Variants in ALDH16A1 observed in about 807,000 individuals in gnomAD.
ALDH16A1 encodes aldehyde dehydrogenase family 16 member A1.
ALDH16A1 carries 88 observed loss-of-function variants against 96.1 expected under a neutral mutation model. The observed-to-expected ratio is 0.92, with a 90% CI of 0.77 to 1.09. The LOEUF is 1.09. Ranked by LOEUF, ALDH16A1 falls within the 50% of genes least tolerant of loss-of-function variation. ALDH16A1 has a pLI of 0.00. For missense variants in ALDH16A1, 1,250 were observed against 1,112.6 expected (o/e 1.12, Z -1.76); for synonymous variants, 522 against 496.4 (o/e 1.05, Z -0.69).
Position 49,470,785 on chromosome 19 carries a change from G to A in ALDH16A1, c.*318G>A. 1 of 230,130 alleles carries A rather than the reference G, an allele frequency of 4.3e-6. No individual in the cohort carries two copies. Among genetic ancestry groups the A allele is most frequent in the South Asian group, 1.2e-4 (1 of 8,512 alleles). The allele number at this position is 230,130 out of a possible 1,614,324, so 14.3% of individuals were successfully genotyped here. ...TGCCTCAGCCTCATATGTAGCTGGG[G>A]CCACAGACATGCACCACCACACCTG... On this transcript the variant is annotated 3_prime_UTR_variant, in exon 17 of 17. Transcript: ENST00000293350.
At chr19:49,467,369 C>G (rs2079207230) in intron 14 of ALDH16A1, among the ~76,000 whole-genome samples, 1 of 150,056 alleles carries the variant, frequency 6.7e-6, no homozygotes, top group Non-Finnish European at 1.5e-5. Flanking sequence ...TGAACTATAT[C>G]ATGGGCCAAA....
chr19:49,464,894 G>T, intron 12 of ALDH16A1, 132 bp downstream of exon 12: 1 of 1,410,472 alleles, frequency 7.1e-7, no homozygotes, highest in South Asian at 1.3e-5. Flanking sequence ...GTACCACGTT[G>T]TGGCCTCACA....
intron 14 of ALDH16A1, among the ~76,000 whole-genome samples, chr19:49,467,410 T>C (rs2079207703): frequency 6.6e-6 from 1 of 150,736 alleles, no homozygotes; most frequent in African/African-American, 2.4e-5. Context: ...TTTTTTTTTT[T>C]TTGAGACAGA....
intron 7 of ALDH16A1, 106 bp downstream of exon 7, chr19:49,462,142 T>C (rs1601029002): frequency 7.2e-7 from 1 of 1,389,430 alleles, no homozygotes; most frequent in East Asian, 2.9e-5. Flanking sequence ...TTTTATTTTA[T>C]TTATTTTGAG....
chr19:49,459,164 T>TC lies in ALDH16A1; in HGVS notation c.320+81dup. On this transcript the variant is annotated intron_variant, in intron 3 of 16. Coordinates refer to ENST00000293350, the MANE Select transcript of ALDH16A1 (RefSeq NM_153329.4). This position sits in a 1 kb window ranked among gnomAD's most constrained non-coding sequence, Gnocchi z 4.1. ...CGAGACCATGGGAACAAAGGCTATT[T>TC]CCCAAGATCCCACTGAATTAATTTG... The TC allele has an allele frequency of 6.5e-7, 1 of 1,535,602 alleles. No homozygotes were observed. The highest frequency in any genetic ancestry group is 8.8e-7 in the Non-Finnish European group (1 of 1,141,282).
In ALDH16A1 at chr19:49,470,522, C is replaced by T. The variant is rs2079237083; in HGVS notation, c.*55C>T. ...CACCTCACACCAAGGGGAGATGCAC[C>T]CCACAGACACCTGGGACTTTCCCCT... On this transcript the variant is annotated 3_prime_UTR_variant, in exon 17 of 17. Coordinates refer to ENST00000293350, the MANE Select transcript of ALDH16A1 (RefSeq NM_153329.4). 2 of 1,442,542 alleles carry T rather than the reference C, an allele frequency of 1.4e-6. No individual in the cohort carries two copies. Among genetic ancestry groups the T allele is most frequent in the Admixed American group, 5.8e-5 (2 of 34,336 alleles). The allele number at this position is 1,442,542 out of a possible 1,614,324, so 89.4% of individuals were successfully genotyped here. A position where few individuals can be genotyped will look rare whatever the true frequency, so the allele number is the denominator to read the frequency against.
In ALDH16A1 at chr19:49,470,292, C is replaced by T. The variant is rs1371083035; in HGVS notation, c.2248-14C>T. ...CCTGCAGAAGTGCTTACCCCCGTCT[C>T]TTCCTCCCCTCAGGGTTCCCAGTTT... On this transcript the variant is annotated splice_polypyrimidine_tract_variant and intron_variant, in intron 16 of 16. Transcript: ENST00000293350. 6.2e-7 allele frequency: 1 copy of T among 1,612,940 alleles called. No individual in the cohort carries two copies. Among genetic ancestry groups the T allele is most frequent in the Non-Finnish European group, 8.5e-7 (1 of 1,179,642 alleles).
At chr19:49,470,102 A>C in intron 16 of ALDH16A1, 1 of 602,418 alleles carries the variant, frequency 1.7e-6, no homozygotes, top group South Asian at 2.1e-5. Context: ...ATGGGCTGTT[A>C]AGGGAGAGGA....
In ALDH16A1 at chr19:49,462,045, C is replaced by G. The variant is rs770453880; in HGVS notation, c.912+9C>G. On this transcript the variant is annotated intron_variant, in intron 7 of 16. Transcript: ENST00000293350. Reference sequence around the variant, plus strand: ...GGTCCGACCGCGGCCCGGTGAGACCCGTGCGCTCCCGTCTCCTCATACCCT... The same window carrying G: ...GGTCCGACCGCGGCCCGGTGAGACCGGTGCGCTCCCGTCTCCTCATACCCT... The G allele has an allele frequency of 1.5e-5, 23 of 1,537,108 alleles. No homozygotes were observed. The highest frequency in any genetic ancestry group is 1.9e-5 in the Non-Finnish European group (22 of 1,146,538).
At chr19:49,458,858 G>C in intron 2 of ALDH16A1, 102 bp from the exon 3 acceptor site, 2 of 1,482,262 alleles carry the variant, frequency 1.3e-6, no homozygotes, top group Non-Finnish European at 1.8e-6. Context: ...ATGGGGACCA[G>C]CTTTACACTC....
Position 49,470,575 on chromosome 19 carries a change from C to G in ALDH16A1, c.*108C>G, listed in dbSNP as rs1380759517. ...TGGTTCCTGTGTCTCCCAATAAACT[C>G]TCTGACCAACCCTAGCTGTGCTTCT... On this transcript the variant is annotated 3_prime_UTR_variant, in exon 17 of 17. Transcript: ENST00000293350. 7.1e-6 allele frequency: 9 copies of G among 1,264,932 alleles called. No homozygotes were observed. The highest frequency in any genetic ancestry group is 1.7e-5 in the South Asian group (1 of 59,384). The allele number at this position is 1,264,932 out of a possible 1,614,324, so 78.4% of individuals were successfully genotyped here. A position where few individuals can be genotyped will look rare whatever the true frequency, so the allele number is the denominator to read the frequency against.
At position 49,460,892 on chromosome 19, in the gene ALDH16A1, G is replaced by A. The variant is rs1236998114; in HGVS notation, c.570G>A (p.Leu190=). 6.2e-7 allele frequency: 1 copy of A among 1,613,270 alleles called. No homozygotes were observed. Among genetic ancestry groups the A allele is most frequent in the Non-Finnish European group, 8.5e-7 (1 of 1,179,926 alleles). Residue 190 remains leucine (L), a synonymous_variant, in exon 5 of 17, where the codon CTG becomes CTA. Coordinates refer to ENST00000293350, the MANE Select transcript of ALDH16A1 (RefSeq NM_153329.4). ...LEMMWRICPA[L]AVGCTVVALV... ...TGATGTGGAGGATTTGCCCTGCCCT[G>A]GCTGTGGGTAAATGATGGCCTGGGG... is the stretch of plus-strand genomic sequence containing the variant.
At chr19:49,466,673 AC>A (rs912275550) in intron 14 of ALDH16A1, among the ~76,000 whole-genome samples, 1 of 152,016 alleles carries the variant, frequency 6.6e-6, no homozygotes, top group African/African-American at 2.4e-5. Context: ...AGCCTGGGCA[AC>A]ACGGTGAAAC....
At position 49,468,388 on chromosome 19, in the gene ALDH16A1, G is replaced by A. The variant is rs1475001140; in HGVS notation, c.1946G>A (p.Gly649Glu). 6.3e-7 allele frequency: 1 copy of A among 1,598,792 alleles called. No homozygotes were observed. The highest frequency in any genetic ancestry group is 8.5e-7 in the Non-Finnish European group (1 of 1,179,536). ...ACCCACCTGTCCCTGCAGGTAGCCGGGCTGAGAGGCCCTGTGCTGCGCCTG... is the reference window on the plus strand; with the variant it reads ...ACCCACCTGTCCCTGCAGGTAGCCGAGCTGAGAGGCCCTGTGCTGCGCCTG... ...QAQGHTLQVA[G>E]LRGPVLRLRE... is the part of the protein sequence containing the mutation. The change falls in exon 15 of 17, where the codon GGG becomes GAG. Residue 649 changes from glycine (G) to glutamate (E), a missense_variant. Gly to Glu is a moderately conservative substitution (Grantham distance 98). Coordinates refer to ENST00000293350, the MANE Select transcript of ALDH16A1 (RefSeq NM_153329.4). The surrounding 1 kb of genome is among the most constrained non-coding windows in gnomAD (Gnocchi z 4.4).
chr19:49,466,299 G>A lies in ALDH16A1; in HGVS notation c.1938+16G>A, dbSNP rs1180830025. On this transcript the variant is annotated intron_variant, in intron 14 of 16. Coordinates refer to ENST00000293350, the MANE Select transcript of ALDH16A1 (RefSeq NM_153329.4). ...CACCCTGCAGGTGAAGGGTCTGTGG[G>A]CACCTGGGCCAGCTGGGCAGGCGGG... The A allele has an allele frequency of 7.0e-7, 1 of 1,430,296 alleles. No individual in the cohort carries two copies. Among genetic ancestry groups the A allele is most frequent in the Non-Finnish European group, 9.1e-7 (1 of 1,093,382 alleles). The allele number at this position is 1,430,296 out of a possible 1,614,324, so 88.6% of individuals were successfully genotyped here.
At chr19:49,469,622 C>A (rs2079228792) in intron 16 of ALDH16A1, 1 of 151,026 alleles carries the variant, frequency 6.6e-6, no homozygotes, top group South Asian at 2.1e-4. Context: ...ACTCTGTCGC[C>A]CAGGCTGGAA....
chr19:49,461,879 C>G lies in ALDH16A1; in HGVS notation c.760-5C>G, dbSNP rs945156699. ...TCCTGCGGCTGAACTGGGGGGGGTC[C>G]CTAGGAAGGGCGTGCCCTTCGACGG... On this transcript the variant is annotated splice_region_variant and splice_polypyrimidine_tract_variant and intron_variant, in intron 6 of 16. Transcript: ENST00000293350. 8.2e-6 allele frequency: 13 copies of G among 1,587,812 alleles called. No homozygotes were observed. Among genetic ancestry groups the G allele is most frequent in the Non-Finnish European group, 1.1e-5 (13 of 1,167,476 alleles).
intron 1 of ALDH16A1, among the ~76,000 whole-genome samples, chr19:49,454,497 C>A (rs555987969): frequency 1.7e-3 from 260 of 152,264 alleles, no homozygotes; most frequent in African/African-American, 5.9e-3. Flanking sequence ...CCTAGGACTC[C>A]CATGACCCCT....
intron 1 of ALDH16A1, among the ~76,000 whole-genome samples, chr19:49,454,033 T>TTTTTGTG (rs1039574609): frequency 6.8e-6 from 1 of 147,386 alleles, no homozygotes; most frequent in African/African-American, 2.5e-5. Flanking sequence ...TTTTTTTTGT[T>TTTTTGTG]TTTTTTTTTG....
Sources: gnomAD v4.1 joint callset for allele counts (sites outside exome capture counted in the v4.1 genomes callset) on GRCh38, gnomAD v4.1.1 for gene constraint, Gnocchi (gnomAD v3.1) non-coding constraint, MANE v1.5 for transcripts, NCBI Gene and HGNC (gene_info 2026-07-23, HGNC 2026-07-21) for gene names.